The following MYSM1 variants were observed in gnomAD, a reference collection of about 807,000 sequenced individuals.
MYSM1 encodes the protein Myb like, SWIRM and MPN domains 1, also known as deubiquitinase MYSM1.
A neutral mutation model predicts 116.0 loss-of-function variants in MYSM1; 51 were observed. The ratio of observed to expected loss-of-function variants is 0.44; its 90% confidence interval spans 0.35 to 0.56. The LOEUF (loss-of-function observed/expected upper bound fraction) is 0.56, where lower values mean the gene tolerates loss of function less well. MYSM1 is among the 20% of genes least tolerant of loss of function. The pLI is 0.00. For missense variants in MYSM1, 900 were observed against 974.9 expected (o/e 0.92, Z 1.02); for synonymous variants, 313 against 315.2 (o/e 0.99, Z 0.07).
chr1:58,667,245 C>T lies in MYSM1; in HGVS notation c.1843-19G>A, dbSNP rs1271000788. On this transcript the variant is annotated intron_variant, in intron 15 of 19. Coordinates refer to ENST00000472487, the MANE Select transcript of MYSM1 (RefSeq NM_001085487.3). ...CACAGACCTATAAACGATTGATCCT[C>T]AAATGATTATACTAAAATCCTGTTA... is the stretch of plus-strand genomic sequence containing the variant. The T allele has an allele frequency of 6.9e-7, 1 of 1,449,216 alleles. No homozygotes were observed. The highest frequency in any genetic ancestry group is 9.2e-7 in the Non-Finnish European group (1 of 1,088,462). 89.8% of individuals were successfully genotyped at this position (1,449,216 alleles called of 1,614,324 possible).
intron 12 of MYSM1, among the ~76,000 whole-genome samples, chr1:58,669,313 G>A (rs1001802017): frequency 6.6e-6 from 1 of 151,876 alleles, no homozygotes; most frequent in African/African-American, 2.4e-5. Flanking sequence ...TCAGACATAT[G>A]TCCCACACTA....
intron 9 of MYSM1, among the ~76,000 whole-genome samples, chr1:58,675,878 G>A (rs1431182380): frequency 6.6e-6 from 1 of 152,102 alleles, no homozygotes; most frequent in Non-Finnish European, 1.5e-5. Context: ...TAGTTTTCCT[G>A]AAAAGCTAGT....
chr1:58,669,056 T>A lies in MYSM1; in HGVS notation c.1662-18A>T, dbSNP rs757410541. On this transcript the variant is annotated intron_variant, in intron 12 of 19. Coordinates refer to ENST00000472487, the MANE Select transcript of MYSM1 (RefSeq NM_001085487.3). ...CAAACGAGCTGAAAAAGAAAAAAAA[T>A]TTTCAATACAATCTCAACAAGATTA... The A allele has an allele frequency of 1.9e-5, 29 of 1,541,450 alleles. No individual in the cohort carries two copies. In the East Asian group the frequency reaches 2.0e-4, roughly 11 times the overall value.
intron 10 of MYSM1, among the ~76,000 whole-genome samples, chr1:58,674,653 C>T (rs1041519845): frequency 6.6e-6 from 1 of 151,966 alleles, no homozygotes. Context: ...CGGCTGCACA[C>T]GGTGGCTCAC....
At chr1:58,695,847 C>T (rs1475037089) in intron 1 of MYSM1, among the ~76,000 whole-genome samples, 1 of 152,172 alleles carries the variant, frequency 6.6e-6, no homozygotes, top group Non-Finnish European at 1.5e-5. Context: ...TTTCATTAAG[C>T]TCCTAAGAGC....
At chr1:58,673,440 G>C in intron 11 of MYSM1, 133 bp downstream of exon 11, 2 of 750,340 alleles carry the variant, frequency 2.7e-6, no homozygotes, top group South Asian at 3.5e-5. Flanking sequence ...GTGACTTCCA[G>C]ACAAATTAAC....
chr1:58,676,777 T>C, intron 9 of MYSM1, 149 bp downstream of exon 9: 1 of 725,480 alleles, frequency 1.4e-6, no homozygotes, highest in Middle Eastern at 4.5e-4. Context: ...AACAGTAAAA[T>C]CTTAATAAAA....
At chr1:58,678,205 A>C (rs1644682969) in intron 8 of MYSM1, among the ~76,000 whole-genome samples, 1 of 152,186 alleles carries the variant, frequency 6.6e-6, no homozygotes, top group Admixed American at 6.5e-5. Context: ...GGCCTCACTA[A>C]GCAGAATAGA....
chr1:58,671,535 C>A (rs1401056531), intron 12 of MYSM1, among the ~76,000 whole-genome samples: 1 of 152,122 alleles, frequency 6.6e-6, no homozygotes, highest in African/African-American at 2.4e-5. Flanking sequence ...AACCATGCAA[C>A]AACTTGCTAA....
At chr1:58,670,224 A>C (rs1644539890) in intron 12 of MYSM1, among the ~76,000 whole-genome samples, 2 of 152,242 alleles carry the variant, frequency 1.3e-5, no homozygotes. Context: ...GAAAGTGTTT[A>C]ATCAACACAA....
At chr1:58,669,803 T>G (rs1644528601) in intron 12 of MYSM1, among the ~76,000 whole-genome samples, 2 of 114,662 alleles carry the variant, frequency 1.7e-5, no homozygotes, top group African/African-American at 6.9e-5. Flanking sequence ...ACTACTCCAC[T>G]CCAGCCTGGG....
intron 17 of MYSM1, among the ~76,000 whole-genome samples, chr1:58,663,305 G>A (rs1340306048): frequency 7.9e-6 from 1 of 126,626 alleles, no homozygotes; most frequent in African/African-American, 3.1e-5. Context: ...AGTTAAAAAA[G>A]GTACTTTTAA....
At chr1:58,688,922 T>A (rs1427275991) in intron 6 of MYSM1, 116 bp downstream of exon 6, 1 of 866,138 alleles carries the variant, frequency 1.2e-6, no homozygotes, top group East Asian at 2.7e-5. Flanking sequence ...ACTAAAGGTG[T>A]TAAAACTGTA....
At chr1:58,662,474 T>TC (rs1644408503) in intron 17 of MYSM1, among the ~76,000 whole-genome samples, 1 of 150,514 alleles carries the variant, frequency 6.6e-6, no homozygotes, top group Non-Finnish European at 1.5e-5. Flanking sequence ...TTTTTTTTTT[T>TC]CGATGAGGAC....
intron 6 of MYSM1, among the ~76,000 whole-genome samples, chr1:58,688,705 A>G (rs900818270): frequency 2.0e-5 from 3 of 151,876 alleles, no homozygotes; most frequent in Non-Finnish European, 2.9e-5. Context: ...CAAAAAAAAA[A>G]AGAGATTACT....
chr1:58,699,623 C>A, intron 1 of MYSM1: 1 of 985,214 alleles, frequency 1.0e-6, no homozygotes, highest in Non-Finnish European at 1.2e-6. Context: ...AGTCCCTGAC[C>A]TCAGGTCTCG....
At chr1:58,668,775 C>G in intron 13 of MYSM1, 93 bp from the exon 14 acceptor site, 1 of 1,181,810 alleles carries the variant, frequency 8.5e-7, no homozygotes. Context: ...CTCCTTTATC[C>G]ACCCCACCAA....
chr1:58,685,437 T>C lies in MYSM1; in HGVS notation c.400-186A>G, dbSNP rs79387785. 2.4e-4 allele frequency among the ~76,000 whole-genome samples: 36 copies of C among 152,298 alleles called. 1 individual carries two copies. In the East Asian group the frequency reaches 6.9e-3, roughly 29 times the overall value. On this transcript the variant is annotated intron_variant, in intron 6 of 19. Transcript: ENST00000472487. ...AAAGCCTACATTCATTCTTTTGGAATCTGAACTACTGAAAACTGATGGAAA... is the reference window on the plus strand; with the variant it reads ...AAAGCCTACATTCATTCTTTTGGAACCTGAACTACTGAAAACTGATGGAAA...
At chr1:58,665,037 GAGAT>G (rs1323976812) in intron 17 of MYSM1, among the ~76,000 whole-genome samples, 4 of 152,168 alleles carry the variant, frequency 2.6e-5, no homozygotes, top group Non-Finnish European at 5.9e-5. Flanking sequence ...ATTCTTTCCT[GAGAT>G]AGAATGGGAA....
Sources: gnomAD v4.1 joint callset for allele counts (sites outside exome capture counted in the v4.1 genomes callset) on GRCh38, gnomAD v4.1.1 for gene constraint, MANE v1.5 for transcripts, NCBI Gene and HGNC (gene_info 2026-07-23, HGNC 2026-07-21) for gene names.